Variants in LDLRAD3 observed in about 807,000 individuals in gnomAD.
The protein encoded by LDLRAD3 is low density lipoprotein receptor class A domain containing 3, also known as low-density lipoprotein receptor class A domain-containing protein 3.
In LDLRAD3, 20 loss-of-function variants were observed where a neutral mutation model predicts 29.4. That is an observed-to-expected ratio of 0.68 (90% CI 0.48 to 0.99). The LOEUF is 0.99. Among genes scored for constraint, LDLRAD3 ranks in the 50% least tolerant of loss-of-function variants. The pLI is 0.00. For synonymous variants in LDLRAD3, 157 were observed against 192.7 expected, an observed-to-expected ratio of 0.81 and a Z score of 1.53; for missense variants, 420 against 454.3, an observed-to-expected ratio of 0.92 and a Z score of 0.69.
chr11:36,221,060 A>G (rs1253829555), intron 4 of LDLRAD3, among the ~76,000 whole-genome samples: 1 of 152,162 alleles, frequency 6.6e-6, no homozygotes, highest in African/African-American at 2.4e-5. Flanking sequence ...TTAGGAGGTC[A>G]GGCTGGGCCA....
intron 4 of LDLRAD3, among the ~76,000 whole-genome samples, chr11:36,181,461 G>A (rs780869377): frequency 1.7e-4 from 26 of 152,256 alleles, no homozygotes; most frequent in South Asian, 1.5e-3. Flanking sequence ...TGAGGAAACA[G>A]AGTCAGGTGA....
At chr11:36,195,116 C>T (rs1220893263) in intron 4 of LDLRAD3, among the ~76,000 whole-genome samples, 1 of 152,164 alleles carries the variant, frequency 6.6e-6, no homozygotes, top group East Asian at 1.9e-4. Flanking sequence ...CCATATAGAA[C>T]ATTTCATAAA....
At chr11:36,217,127 G>C (rs1243290424) in intron 4 of LDLRAD3, among the ~76,000 whole-genome samples, 1 of 152,222 alleles carries the variant, frequency 6.6e-6, no homozygotes, top group Admixed American at 6.5e-5. Context: ...AAGAGGTTCA[G>C]TGCTCACTGC....
intron 1 of LDLRAD3, among the ~76,000 whole-genome samples, chr11:36,007,198 C>G (rs1851895865): frequency 6.6e-6 from 1 of 152,232 alleles, no homozygotes; most frequent in Non-Finnish European, 1.5e-5. Flanking sequence ...GGAAGTCGTA[C>G]ATGCACCCGA....
intron 4 of LDLRAD3, among the ~76,000 whole-genome samples, chr11:36,147,118 TTTTTTTTTTTTTTTTTTG>T (rs1211935089): frequency 1.8e-5 from 2 of 114,168 alleles, no homozygotes; most frequent in Admixed American, 9.1e-5. Flanking sequence ...TTTTTTTTTT[TTTTTTTTTTTTTTTTTTG>T]AGACGGAGTC....
At chr11:36,113,870 C>T (rs7118069) in intron 4 of LDLRAD3, among the ~76,000 whole-genome samples, 5,442 of 152,118 alleles carry the variant, frequency 0.036, 331 homozygotes, top group African/African-American at 0.12. Flanking sequence ...GACGGAGTTT[C>T]GCCATTTTGG....
chr11:36,043,858 C>T (rs770055935), intron 2 of LDLRAD3, among the ~76,000 whole-genome samples: 1 of 152,188 alleles, frequency 6.6e-6, no homozygotes, highest in Non-Finnish European at 1.5e-5. Flanking sequence ...TAGAGAATAT[C>T]GTGGTTTAAA....
intron 4 of LDLRAD3, among the ~76,000 whole-genome samples, chr11:36,217,635 C>T (rs1331536543): frequency 6.6e-6 from 1 of 152,212 alleles, no homozygotes; most frequent in Non-Finnish European, 1.5e-5. Flanking sequence ...TTTGAAACAA[C>T]AGAAATTTAT....
At chr11:36,055,066 G>A (rs1434690995) in intron 2 of LDLRAD3, among the ~76,000 whole-genome samples, 1 of 6,348 alleles carries the variant, frequency 1.6e-4, no homozygotes, top group South Asian at 4.1e-3. Flanking sequence ...TGAATGGGTG[G>A]ATGGATAGAT....
At chr11:36,198,448 T>C (rs1312415083) in intron 4 of LDLRAD3, among the ~76,000 whole-genome samples, 3 of 152,170 alleles carry the variant, frequency 2.0e-5, no homozygotes, top group Non-Finnish European at 4.4e-5. Flanking sequence ...TGTCCACTAA[T>C]GTGCTGTCTT....
At chr11:36,128,117 C>T (rs868456621) in intron 4 of LDLRAD3, among the ~76,000 whole-genome samples, 19 of 98,988 alleles carry the variant, frequency 1.9e-4, no homozygotes, top group East Asian at 7.3e-4. Flanking sequence ...GTTGTTTTTA[C>T]ATATATATAT....
chr11:36,110,253 T>C (rs78546907), intron 4 of LDLRAD3, among the ~76,000 whole-genome samples: 15,234 of 152,250 alleles, frequency 0.1, 1,097 homozygotes, highest in African/African-American at 0.21. Flanking sequence ...CTGATAACTT[T>C]GTTACTGCGG....
chr11:36,101,186 C>G (rs1257470045), intron 4 of LDLRAD3, among the ~76,000 whole-genome samples: 1 of 152,148 alleles, frequency 6.6e-6, no homozygotes, highest in African/African-American at 2.4e-5. Flanking sequence ...GTTGCTGACA[C>G]CTGTCAGTTT....
At chr11:36,218,841 T>C (rs1370704827) in intron 4 of LDLRAD3, among the ~76,000 whole-genome samples, 1 of 152,248 alleles carries the variant, frequency 6.6e-6, no homozygotes, top group African/African-American at 2.4e-5. Context: ...GGTACTTCAA[T>C]AGAGGTTTGG....
intron 2 of LDLRAD3, among the ~76,000 whole-genome samples, chr11:36,073,909 T>C (rs1047755534): frequency 1.3e-5 from 2 of 152,220 alleles, no homozygotes; most frequent in Non-Finnish European, 2.9e-5. Context: ...AGCTGTGCCA[T>C]GGGAAAGATT....
At chr11:36,059,594 G>A (rs4265577) in intron 2 of LDLRAD3, among the ~76,000 whole-genome samples, 39,728 of 151,880 alleles carry the variant, frequency 0.26, 5,374 homozygotes, top group Non-Finnish European at 0.3. Context: ...TTCTTGAGAT[G>A]TTGCCTCTGC....
intron 2 of LDLRAD3, among the ~76,000 whole-genome samples, chr11:36,079,581 C>T (rs550452903): frequency 5.9e-5 from 9 of 152,082 alleles, no homozygotes; most frequent in African/African-American, 2.2e-4. Context: ...GAAAGAATAC[C>T]GAGACAGTCA....
intron 2 of LDLRAD3, among the ~76,000 whole-genome samples, chr11:36,039,769 T>C (rs34142883): frequency 0.26 from 40,158 of 152,176 alleles, 5,367 homozygotes; most frequent in African/African-American, 0.32. Context: ...TAACCATCCC[T>C]CTATGTTTCA....
At chr11:35,982,184 G>C (rs1241885180) in intron 1 of LDLRAD3, among the ~76,000 whole-genome samples, 3 of 152,144 alleles carry the variant, frequency 2.0e-5, no homozygotes, top group Admixed American at 2.0e-4. Context: ...GTGTCTGCAG[G>C]GTTTGTTCCA....
Sources: allele counts gnomAD v4.1 joint callset (sites outside exome capture counted in the v4.1 genomes callset), GRCh38; gene constraint gnomAD v4.1.1; transcripts MANE v1.5; gene names NCBI Gene and HGNC (gene_info 2026-07-23, HGNC 2026-07-21).